The following SGCZ variants were observed in gnomAD, a reference collection of about 807,000 sequenced individuals.
SGCZ encodes sarcoglycan zeta.
A neutral mutation model predicts 41.3 loss-of-function variants in SGCZ; 40 were observed. That is an observed-to-expected ratio of 0.97 (90% confidence interval 0.75 to 1.26). SGCZ has a LOEUF of 1.26. Among genes scored for constraint, SGCZ ranks in the 50% most tolerant of loss-of-function variants. The pLI, the probability that SGCZ is intolerant of heterozygous loss-of-function variation, is 0.00. For synonymous variants in SGCZ, 206 were observed against 137.5 expected, an observed-to-expected ratio of 1.50 and a Z score of -3.49; for missense variants, 552 against 369.8, an observed-to-expected ratio of 1.49 and a Z score of -4.04.
rs267601802 is a variant in SGCZ, at chr8:14,324,194, C to G, written c.245G>C (p.Gly82Ala). 1 of 1,609,686 alleles carries G rather than the reference C, an allele frequency of 6.2e-7. No individual in the cohort carries two copies. The change falls in exon 3 of 8, where the codon GGA (glycine) becomes GCA (alanine). Residue 82 changes from glycine to alanine, a missense_variant. Transcript: ENST00000382080. ...KVMNFTVDGM[G>A]NLRVTKKGIR... ...TCCCTTCTTGGTGACTCTCAGATTT[C>G]CCATACCATCCTACAAGCAATGAAA... is the stretch of plus-strand genomic sequence containing the variant.
chr8:14,156,570 C>T (rs1156541355), intron 5 of SGCZ, among the ~76,000 whole-genome samples: 2 of 152,182 alleles, frequency 1.3e-5, no homozygotes, highest in African/African-American at 4.8e-5. Flanking sequence ...AACTTTTTGA[C>T]TCTTTTGCAA....
chr8:14,215,140 A>C (rs1170491349), intron 4 of SGCZ, among the ~76,000 whole-genome samples: 1 of 152,210 alleles, frequency 6.6e-6, no homozygotes, highest in East Asian at 1.9e-4. Flanking sequence ...AAACAAGTTT[A>C]AATAGTTTAA....
intron 5 of SGCZ, among the ~76,000 whole-genome samples, chr8:14,143,918 A>G (rs1468250930): frequency 6.6e-6 from 1 of 152,198 alleles, no homozygotes; most frequent in Non-Finnish European, 1.5e-5. Flanking sequence ...CATGAAACTC[A>G]GCTGATGCCC....
chr8:14,415,022 G>A (rs544699532), intron 2 of SGCZ, among the ~76,000 whole-genome samples: 16 of 151,950 alleles, frequency 1.1e-4, no homozygotes, highest in East Asian at 3.9e-4. Flanking sequence ...TGAGGTGCTC[G>A]AAGATTTTAC....
Position 14,681,933 on chromosome 8 carries a change from A to G in SGCZ, c.40-127007T>C, listed in dbSNP as rs540009125. On this transcript the variant is annotated intron_variant, in intron 1 of 7. Coordinates refer to ENST00000382080, the MANE Select transcript of SGCZ (RefSeq NM_139167.4). ...TTTGGTAAGTATTTTAATGTTCCAT[A>G]TATTTTAATATTAATAATAAATAAT... 1.2e-3 allele frequency among the ~76,000 whole-genome samples: 188 copies of G among 152,120 alleles called. 1 individual carries two copies. Among genetic ancestry groups the G allele is most frequent in the African/African-American group, 4.2e-3 (175 of 41,554 alleles).
intron 2 of SGCZ, among the ~76,000 whole-genome samples, chr8:14,392,444 G>T (rs2117220896): frequency 6.6e-6 from 1 of 152,218 alleles, no homozygotes; most frequent in South Asian, 2.1e-4. Flanking sequence ...GTTTAAGGCT[G>T]GTTATTGCCA....
In SGCZ at chr8:14,163,236, G is replaced by T. The variant is rs371803850; in HGVS notation, c.547+1344C>A. Among the ~76,000 whole-genome samples, 26 of 152,096 alleles carry T rather than the reference G, an allele frequency of 1.7e-4. No homozygotes were observed. The South Asian group carries it at 5.4e-3, about 32-fold the overall frequency. ...TTACAGAGGTAAACTTGTGTCGTGGGGGTTTATTGTACAGATTATTTTGTC... is the reference window on the plus strand; with the variant it reads ...TTACAGAGGTAAACTTGTGTCGTGGTGGTTTATTGTACAGATTATTTTGTC... On this transcript the variant is annotated intron_variant, in intron 5 of 7. Transcript: ENST00000382080.
intron 1 of SGCZ, among the ~76,000 whole-genome samples, chr8:14,861,170 GA>G (rs1563321699): frequency 6.6e-6 from 1 of 152,140 alleles, no homozygotes; most frequent in Non-Finnish European, 1.5e-5. Flanking sequence ...CCCAAATGGA[GA>G]AAACTTGTTT....
At chr8:14,316,575 T>C (rs959194745) in intron 3 of SGCZ, among the ~76,000 whole-genome samples, 1 of 151,996 alleles carries the variant, frequency 6.6e-6, no homozygotes. Context: ...TATCAGAGGC[T>C]GTTTTGCACT....
chr8:14,986,480 C>A (rs1022595954), intron 1 of SGCZ, among the ~76,000 whole-genome samples: 3 of 152,050 alleles, frequency 2.0e-5, no homozygotes, highest in Non-Finnish European at 4.4e-5. Flanking sequence ...AAATCCCCAG[C>A]AGTAATTGAA....
chr8:15,153,016 T>C (rs1287918782), intron 1 of SGCZ, among the ~76,000 whole-genome samples: 1 of 152,154 alleles, frequency 6.6e-6, no homozygotes, highest in Non-Finnish European at 1.5e-5. Context: ...AACTGTCCAA[T>C]GGTACAAAGA....
chr8:15,172,981 A>G (rs1216497672), intron 1 of SGCZ, among the ~76,000 whole-genome samples: 1 of 152,236 alleles, frequency 6.6e-6, no homozygotes, highest in Admixed American at 6.5e-5. Context: ...TAAATTGACT[A>G]TTCTGAACTT....
intron 2 of SGCZ, among the ~76,000 whole-genome samples, chr8:14,391,422 T>G (rs1044734413): frequency 1.3e-5 from 2 of 152,168 alleles, no homozygotes; most frequent in South Asian, 2.1e-4. Context: ...TGTATACCTA[T>G]ATACTAAGAG....
intron 1 of SGCZ, among the ~76,000 whole-genome samples, chr8:14,810,952 A>G (rs187546891): frequency 3.5e-4 from 54 of 152,178 alleles, no homozygotes; most frequent in African/African-American, 1.3e-3. Flanking sequence ...CAATTTTAAA[A>G]GGATGTCAGT....
At chr8:14,578,870 A>G (rs748133858) in intron 1 of SGCZ, among the ~76,000 whole-genome samples, 1 of 152,118 alleles carries the variant, frequency 6.6e-6, no homozygotes, top group Non-Finnish European at 1.5e-5. Context: ...TAAATTTACC[A>G]CATTTAATTA....
intron 2 of SGCZ, among the ~76,000 whole-genome samples, chr8:14,446,234 T>C (rs1177496701): frequency 6.6e-6 from 1 of 152,182 alleles, no homozygotes; most frequent in Non-Finnish European, 1.5e-5. Context: ...ATCTACCTAG[T>C]AGCTACTGAA....
rs1005187088 is a variant in SGCZ at position 15,054,978 on chromosome 8, T to C, written c.39+182607A>G. On this transcript the variant is annotated intron_variant, in intron 1 of 7. Coordinates refer to ENST00000382080, the MANE Select transcript of SGCZ (RefSeq NM_139167.4). ...CTCCATCTCAAAAAAAAAAAAAAAA[T>C]AAGACTCCATTTTGCAATGGCTGCC... Among the ~76,000 whole-genome samples the C allele has an allele frequency of 3.6e-5, 5 of 139,366 alleles. 1 individual carries two copies. 91.4% of individuals were successfully genotyped at this position (139,366 alleles called of 152,430 possible).
chr8:14,337,670 T>C (rs1410609812), intron 2 of SGCZ, among the ~76,000 whole-genome samples: 2 of 152,066 alleles, frequency 1.3e-5, no homozygotes, highest in Non-Finnish European at 2.9e-5. Context: ...TCGGAAAACC[T>C]ACCAAATGAG....
intron 1 of SGCZ, among the ~76,000 whole-genome samples, chr8:15,171,169 C>T (rs1799816248): frequency 6.6e-6 from 1 of 152,178 alleles, no homozygotes; most frequent in Admixed American, 6.5e-5. Flanking sequence ...CTGCTACCTA[C>T]TCTTAATTGA....
Sources: gnomAD v4.1 joint callset for allele counts (sites outside exome capture counted in the v4.1 genomes callset) on GRCh38, gnomAD v4.1.1 for gene constraint, MANE v1.5 for transcripts, NCBI Gene and HGNC (gene_info 2026-07-23, HGNC 2026-07-21) for gene names.